The following SRGAP1 variants were observed in gnomAD, a reference collection of about 807,000 sequenced individuals.
SRGAP1 encodes SLIT-ROBO Rho GTPase-activating protein 1.
A neutral mutation model predicts 121.9 loss-of-function variants in SRGAP1; 43 were observed. The ratio of observed to expected loss-of-function variants is 0.35; its 90% CI spans 0.28 to 0.46. SRGAP1 has a LOEUF of 0.46. Ranked by LOEUF, SRGAP1 falls within the 20% of genes least tolerant of loss-of-function variation. The pLI, the probability that SRGAP1 is intolerant of heterozygous loss-of-function variation, is 1.00. For synonymous variants in SRGAP1, 447 were observed against 485.4 expected (o/e 0.92, Z 1.04); for missense variants, 1,102 against 1,350.9 (o/e 0.82, Z 2.89).
chr12:64,079,783 T>C (rs892158643), intron 9 of SRGAP1, among the ~76,000 whole-genome samples: 1 of 151,990 alleles, frequency 6.6e-6, no homozygotes, highest in Non-Finnish European at 1.5e-5. Flanking sequence ...AGAGGTCTGG[T>C]ACAGAAGGAA....
chr12:64,134,912 G>T (rs950889972), intron 21 of SRGAP1, among the ~76,000 whole-genome samples: 2 of 152,146 alleles, frequency 1.3e-5, no homozygotes, highest in Non-Finnish European at 2.9e-5. Flanking sequence ...ACCTCCAGGG[G>T]CCTGCCGGGA....
At chr12:64,132,622 G>A (rs1050224748) in intron 21 of SRGAP1, among the ~76,000 whole-genome samples, 4 of 152,178 alleles carry the variant, frequency 2.6e-5, no homozygotes, top group Non-Finnish European at 5.9e-5. Flanking sequence ...TTTTACTGAG[G>A]TAGAAGGTCC....
At chr12:64,137,952 T>TAAAAAA (rs142595703) in intron 21 of SRGAP1, among the ~76,000 whole-genome samples, 180 of 138,974 alleles carry the variant, frequency 1.3e-3, no homozygotes, top group Middle Eastern at 3.7e-3. Flanking sequence ...TAATTGTGCT[T>TAAAAAA]AAAAAAAAAA....
intron 4 of SRGAP1, among the ~76,000 whole-genome samples, chr12:64,018,610 T>A (rs1254348814): frequency 6.6e-6 from 1 of 152,254 alleles, no homozygotes; most frequent in Non-Finnish European, 1.5e-5. Flanking sequence ...ATGTGTGTGA[T>A]AAATCTATTT....
Position 64,157,594 on chromosome 12 carries a change from A to C in SRGAP1, c.*14922A>C, listed in dbSNP as rs1195454231. 2 of 152,238 alleles carry C rather than the reference A, an allele frequency of 1.3e-5. No individual in the cohort carries two copies. The highest frequency in any genetic ancestry group is 2.9e-5 in the Non-Finnish European group (2 of 68,036). The allele number at this position is 152,238 out of a possible 1,614,324, so 9.4% of individuals were successfully genotyped here. A position where few individuals can be genotyped will look rare whatever the true frequency, so the allele number is the denominator to read the frequency against. The stretch of plus-strand genomic sequence containing the variant: ...CTACAAAATCAACATTAAGGAAAAA[A>C]TGATCAGGATTCAATAAATTCTGGA... On this transcript the variant is annotated 3_prime_UTR_variant, in exon 22 of 22. Transcript: ENST00000355086.
chr12:64,064,836 A>G (rs1290348766), intron 7 of SRGAP1, among the ~76,000 whole-genome samples: 1 of 152,216 alleles, frequency 6.6e-6, no homozygotes, highest in Non-Finnish European at 1.5e-5. Flanking sequence ...AGATTTCAGC[A>G]TCGGAGCTCC....
intron 16 of SRGAP1, 33 bp downstream of exon 16, chr12:64,109,070 T>C (rs2036390780): frequency 1.4e-6 from 2 of 1,379,864 alleles, no homozygotes; most frequent in Non-Finnish European, 2.0e-6. Context: ...AAAAGGCCCA[T>C]CTGAATTCTG....
chr12:64,033,995 C>G (rs1336463505), intron 4 of SRGAP1, among the ~76,000 whole-genome samples: 1 of 152,180 alleles, frequency 6.6e-6, no homozygotes, highest in Non-Finnish European at 1.5e-5. Context: ...CACCACTACA[C>G]TCCAGCCTGG....
intron 1 of SRGAP1, among the ~76,000 whole-genome samples, chr12:63,933,002 A>G (rs994151443): frequency 6.6e-6 from 1 of 152,210 alleles, no homozygotes; most frequent in Admixed American, 6.5e-5. Context: ...ATCCTGGCCA[A>G]CATGGTGAAA....
chr12:63,904,978 G>A (rs570942872), intron 1 of SRGAP1, among the ~76,000 whole-genome samples: 2 of 152,098 alleles, frequency 1.3e-5, no homozygotes, highest in East Asian at 1.9e-4. Context: ...AAAACTTTCC[G>A]TTTTACCTTT....
chr12:64,148,694 T>C lies in SRGAP1; in HGVS notation c.*6022T>C, dbSNP rs1020567221. The C allele has an allele frequency of 2.0e-5, 3 of 152,222 alleles. No individual in the cohort carries two copies. The highest frequency in any genetic ancestry group is 7.2e-5 in the African/African-American group (3 of 41,468). The allele number at this position is 152,222 out of a possible 1,614,324, so 9.4% of individuals were successfully genotyped here. A position where few individuals can be genotyped will look rare whatever the true frequency, so the allele number is the denominator to read the frequency against. On this transcript the variant is annotated 3_prime_UTR_variant, in exon 22 of 22. Coordinates refer to ENST00000355086, the MANE Select transcript of SRGAP1 (RefSeq NM_020762.4). ...TGCAAGATTGAATATTGATAAGATA[T>C]AAAGTTTAAAAAATGACAGGCAAAT...
intron 3 of SRGAP1, among the ~76,000 whole-genome samples, chr12:64,009,055 A>G (rs914536200): frequency 6.6e-6 from 1 of 152,144 alleles, no homozygotes; most frequent in African/African-American, 2.4e-5. Context: ...TGGCTTTACT[A>G]ATAAATTTGC....
chr12:64,017,051 G>T (rs1362903622), intron 4 of SRGAP1, 39 bp downstream of exon 4: 2 of 1,228,880 alleles, frequency 1.6e-6, no homozygotes, highest in East Asian at 4.8e-5. Context: ...GAATCCTTGG[G>T]TTAGAATTCT....
chr12:63,859,841 G>A (rs1468676128), intron 1 of SRGAP1, among the ~76,000 whole-genome samples: 1 of 151,938 alleles, frequency 6.6e-6, no homozygotes, highest in Non-Finnish European at 1.5e-5. Flanking sequence ...CCTAAGAAAG[G>A]CATCTTTTCT....
intron 15 of SRGAP1, among the ~76,000 whole-genome samples, chr12:64,103,174 G>T (rs908203734): frequency 6.6e-6 from 1 of 151,928 alleles, no homozygotes; most frequent in Non-Finnish European, 1.5e-5. Flanking sequence ...TAGAGACAGG[G>T]TTTCACAACA....
chr12:63,979,569 TC>T (rs1199573860), intron 1 of SRGAP1, among the ~76,000 whole-genome samples: 1 of 152,152 alleles, frequency 6.6e-6, no homozygotes, highest in Non-Finnish European at 1.5e-5. Context: ...TGCTCCTCTT[TC>T]CATAGCTTCC....
intron 1 of SRGAP1, among the ~76,000 whole-genome samples, chr12:63,886,149 C>T (rs1372291498): frequency 2.0e-5 from 3 of 152,172 alleles, no homozygotes; most frequent in Non-Finnish European, 4.4e-5. Flanking sequence ...CAACCTTCGC[C>T]TCCCAGGTTC....
At chr12:64,022,614 G>A (rs192782913) in intron 4 of SRGAP1, among the ~76,000 whole-genome samples, 47 of 152,154 alleles carry the variant, frequency 3.1e-4, no homozygotes, top group African/African-American at 1.0e-3. Flanking sequence ...TAATTATTAC[G>A]GCATCTGACA....
At chr12:63,937,142 G>A (rs1441276688) in intron 1 of SRGAP1, among the ~76,000 whole-genome samples, 1 of 152,144 alleles carries the variant, frequency 6.6e-6, no homozygotes, top group Non-Finnish European at 1.5e-5. Flanking sequence ...TCTCATGTTG[G>A]GATCAGTGGA....
Sources: allele counts gnomAD v4.1 joint callset (sites outside exome capture counted in the v4.1 genomes callset), GRCh38; gene constraint gnomAD v4.1.1; transcripts MANE v1.5; gene names NCBI Gene and HGNC (gene_info 2026-07-23, HGNC 2026-07-21).